Variants in HCN3 observed in about 807,000 individuals in gnomAD.
HCN3 encodes potassium/sodium hyperpolarization-activated cyclic nucleotide-gated channel 3.
Under a neutral mutation model 56.8 loss-of-function variants are expected in HCN3, and 36 were observed. The observed-to-expected ratio is 0.63, with a 90% CI of 0.49 to 0.84. The LOEUF (loss-of-function observed/expected upper bound fraction) is 0.84, where lower values mean the gene tolerates loss of function less well. HCN3 is among the 40% of genes least tolerant of loss of function. The pLI is 0.00. For missense variants in HCN3, 930 were observed against 1,079.3 expected, an observed-to-expected ratio of 0.86 and a Z score of 1.94; for synonymous variants, 425 against 439.7, an observed-to-expected ratio of 0.97 and a Z score of 0.42.
chr1:155,284,197 C>G lies in HCN3; in HGVS notation c.870+62C>G. On this transcript the variant is annotated intron_variant, in intron 3 of 7. Coordinates refer to ENST00000368358, the MANE Select transcript of HCN3 (RefSeq NM_020897.3). This position sits in a 1 kb window ranked among gnomAD's most constrained non-coding sequence, Gnocchi z 4.3. ...TCTTAGGGCTCTTCTGCCTGAGTAGCAGGGATGGCCACAGGGAGCAGGAGG... is the reference window on the plus strand; with the variant it reads ...TCTTAGGGCTCTTCTGCCTGAGTAGGAGGGATGGCCACAGGGAGCAGGAGG... 6.4e-7 allele frequency: 1 copy of G among 1,569,140 alleles called. No homozygotes were observed. Among genetic ancestry groups the G allele is most frequent in the Non-Finnish European group, 8.7e-7 (1 of 1,146,570 alleles).
In HCN3 at chr1:155,284,281, G is replaced by A; in HGVS notation, c.870+146G>A. On this transcript the variant is annotated intron_variant, in intron 3 of 7. Transcript: ENST00000368358. The surrounding 1 kb of genome is among the most constrained non-coding windows in gnomAD (Gnocchi z 4.3). Reference sequence around the variant, plus strand: ...GAGGTGGGGAGGAGGGAGGAAAGGGGAAGGAGACCCAGAAGAAGTGCTCGT... The same window carrying A: ...GAGGTGGGGAGGAGGGAGGAAAGGGAAAGGAGACCCAGAAGAAGTGCTCGT... 1.0e-6 allele frequency: 1 copy of A among 996,740 alleles called. No individual in the cohort carries two copies. Among genetic ancestry groups the A allele is most frequent in the Non-Finnish European group, 1.5e-6 (1 of 686,062 alleles). The allele number at this position is 996,740 out of a possible 1,614,324, so 61.7% of individuals were successfully genotyped here. A position where few individuals can be genotyped will look rare whatever the true frequency, so the allele number is the denominator to read the frequency against.
In HCN3 at chr1:155,277,625, G is replaced by A; in HGVS notation, c.35G>A (p.Ser12Asn). 1 of 1,554,516 alleles carries A rather than the reference G, an allele frequency of 6.4e-7. No individual in the cohort carries two copies. Among genetic ancestry groups the A allele is most frequent in the African/African-American group, 1.4e-5 (1 of 73,676 alleles). ...GAGCAGCGGCCGGCGGCGGGGGCCA[G>A]CGAAGGGGCGACCCCTGGACTGGAG... ...EAEQRPAAGA[S>N]EGATPGLEAV... Residue 12 changes from serine to asparagine, a missense_variant, in exon 1 of 8, where the codon AGC becomes AAC. Ser to Asn is a conservative substitution (Grantham distance 46). Coordinates refer to ENST00000368358, the MANE Select transcript of HCN3 (RefSeq NM_020897.3).
chr1:155,285,770 T>C lies in HCN3; in HGVS notation c.1283T>C (p.Leu428Pro). 6.2e-7 allele frequency: 1 copy of C among 1,614,154 alleles called. No homozygotes were observed. The highest frequency in any genetic ancestry group is 8.5e-7 in the Non-Finnish European group (1 of 1,180,032). ...TCRGLVAHMP[L>P]FAHADPSFVT... ...CGGGGCCTGGTGGCCCACATGCCGC[T>C]GTTTGCCCATGCCGACCCCAGCTTC... Residue 428 changes from leucine (L) to proline (P), a missense_variant, in exon 6 of 8, where the codon CTG becomes CCG. Transcript: ENST00000368358. This position sits in a 1 kb window ranked among gnomAD's most constrained non-coding sequence, Gnocchi z 4.5.
chr1:155,281,312 G>T (rs894042766), intron 1 of HCN3, among the ~76,000 whole-genome samples: 2 of 151,578 alleles, frequency 1.3e-5, no homozygotes, highest in African/African-American at 4.9e-5. Flanking sequence ...CTTGTGATCT[G>T]CCCATCTTGG....
At chr1:155,279,832 T>G (rs998019144) in intron 1 of HCN3, among the ~76,000 whole-genome samples, 14 of 152,152 alleles carry the variant, frequency 9.2e-5, no homozygotes, top group African/African-American at 3.4e-4. Flanking sequence ...CACAGGATAC[T>G]TTAGCTTTTT....
chr1:155,281,855 A>C (rs569134259), intron 1 of HCN3, among the ~76,000 whole-genome samples: 1 of 152,112 alleles, frequency 6.6e-6, no homozygotes, highest in African/African-American at 2.4e-5. Context: ...CCTCCTGAGT[A>C]GCTGGGACTT....
At chr1:155,286,518 G>A (rs1028081050) in intron 6 of HCN3, among the ~76,000 whole-genome samples, 3 of 152,172 alleles carry the variant, frequency 2.0e-5, no homozygotes, top group African/African-American at 7.2e-5. Flanking sequence ...GGGCCAGAGG[G>A]CCTTTTAGAA....
At position 155,288,304 on chromosome 1, in the gene HCN3, G is replaced by A; in HGVS notation, c.2166G>A (p.Arg722=). 1 of 1,612,872 alleles carries A rather than the reference G, an allele frequency of 6.2e-7. No homozygotes were observed. ...LSASQPSLPQ[R]ATGDGSPGRK... is the part of the protein sequence containing the mutation. ...CCTCCCAACCCTCTCTGCCTCAGCG[G>A]GCAACAGGCGATGGCTCTCCTGGGC... Residue 722 remains arginine, a synonymous_variant, in exon 8 of 8, where the codon CGG becomes CGA. Transcript: ENST00000368358. This position sits in a 1 kb window ranked among gnomAD's most constrained non-coding sequence, Gnocchi z 6.5.
rs770385472 is a variant in HCN3, at chr1:155,289,780, T to C, written c.*1317T>C. ...TTCTGGGTGGGGAGTTCTGGGGTTC[T>C]TGGTGTGTGGGAGAAGTTTTATAAT... On this transcript the variant is annotated 3_prime_UTR_variant, in exon 8 of 8. Coordinates refer to ENST00000368358, the MANE Select transcript of HCN3 (RefSeq NM_020897.3). 6.6e-6 allele frequency: 1 copy of C among 152,406 alleles called. No individual in the cohort carries two copies. Among genetic ancestry groups the C allele is most frequent in the Admixed American group, 6.5e-5 (1 of 15,286 alleles). 9.4% of individuals were successfully genotyped at this position (152,406 alleles called of 1,614,324 possible). A position where few individuals can be genotyped will look rare whatever the true frequency, so the allele number is the denominator to read the frequency against.
In HCN3 at chr1:155,284,857, T is replaced by G; in HGVS notation, c.1089+100T>G. ...CTGATGTGTGCCCCTGTTGCGTCTC[T>G]GTTTCCTTTCCTGCCCTGTGTCCAT... On this transcript the variant is annotated intron_variant, in intron 4 of 7. Coordinates refer to ENST00000368358, the MANE Select transcript of HCN3 (RefSeq NM_020897.3). The surrounding 1 kb of genome is among the most constrained non-coding windows in gnomAD (Gnocchi z 4.3). The G allele has an allele frequency of 1.8e-6, 2 of 1,113,166 alleles. No individual in the cohort carries two copies. Among genetic ancestry groups the G allele is most frequent in the Non-Finnish European group, 1.3e-6 (1 of 776,632 alleles). 69.0% of individuals were successfully genotyped at this position (1,113,166 alleles called of 1,614,324 possible).
In HCN3 at chr1:155,284,476, G is replaced by C; in HGVS notation, c.871-63G>C. On this transcript the variant is annotated intron_variant, in intron 3 of 7. Coordinates refer to ENST00000368358, the MANE Select transcript of HCN3 (RefSeq NM_020897.3). This position sits in a 1 kb window ranked among gnomAD's most constrained non-coding sequence, Gnocchi z 4.3. ...CAGAAAGACCAAAGAAGGAAAAGGG[G>C]CAGGCAGAGAATGAGGCTCCGAGGG... 1 of 1,487,972 alleles carries C rather than the reference G, an allele frequency of 6.7e-7. No individual in the cohort carries two copies. Among genetic ancestry groups the C allele is most frequent in the Non-Finnish European group, 9.2e-7 (1 of 1,091,010 alleles). The allele number at this position is 1,487,972 out of a possible 1,614,324, so 92.2% of individuals were successfully genotyped here.
intron 1 of HCN3, among the ~76,000 whole-genome samples, chr1:155,280,238 C>T (rs1167347534): frequency 6.6e-6 from 1 of 150,576 alleles, no homozygotes. Context: ...AGCCACCACA[C>T]CGGCAAATTT....
In HCN3 at chr1:155,282,701, T is replaced by C; in HGVS notation, c.569T>C (p.Val190Ala). The C allele has an allele frequency of 6.2e-7, 1 of 1,614,204 alleles. No homozygotes were observed. Among genetic ancestry groups the C allele is most frequent in the Non-Finnish European group, 8.5e-7 (1 of 1,180,032 alleles). ...SIPVDYIFLVVELEPRLDAEV... is the reference protein window; with the variant it reads ...SIPVDYIFLVAELEPRLDAEV... ...CCTGTGGATTACATCTTCCTAGTGG[T>C]GGAGCTGGAGCCACGGTTGGACGCT... Residue 190 changes from valine (V) to alanine (A), a missense_variant, in exon 2 of 8, where the codon GTG becomes GCG. By Grantham distance (64) the Val-to-Ala change is moderately conservative. Coordinates refer to ENST00000368358, the MANE Select transcript of HCN3 (RefSeq NM_020897.3). The surrounding 1 kb of genome is among the most constrained non-coding windows in gnomAD (Gnocchi z 4.7).
Position 155,288,510 on chromosome 1 carries a change from T to C in HCN3, c.*47T>C. 1 of 1,529,588 alleles carries C rather than the reference T, an allele frequency of 6.5e-7. No individual in the cohort carries two copies. Among genetic ancestry groups the C allele is most frequent in the Non-Finnish European group, 8.8e-7 (1 of 1,140,406 alleles). 94.8% of individuals were successfully genotyped at this position (1,529,588 alleles called of 1,614,324 possible). A position where few individuals can be genotyped will look rare whatever the true frequency, so the allele number is the denominator to read the frequency against. ...TTAGTTCTTGGGGTGCAGTAGTATG[T>C]ACCCAAGGGCAGATGCCTCTTGGGG... is the stretch of plus-strand genomic sequence containing the variant. On this transcript the variant is annotated 3_prime_UTR_variant, in exon 8 of 8. Coordinates refer to ENST00000368358, the MANE Select transcript of HCN3 (RefSeq NM_020897.3). This position sits in a 1 kb window ranked among gnomAD's most constrained non-coding sequence, Gnocchi z 6.5.
Position 155,277,599 on chromosome 1 carries a change from A to C in HCN3, c.9A>C (p.Ala3=). The C allele has an allele frequency of 6.4e-7, 1 of 1,561,378 alleles. No homozygotes were observed. The highest frequency in any genetic ancestry group is 8.7e-7 in the Non-Finnish European group (1 of 1,154,336). The change falls in exon 1 of 8, where the codon GCA becomes GCC. Residue 3 remains alanine (A), a synonymous_variant. Coordinates refer to ENST00000368358, the MANE Select transcript of HCN3 (RefSeq NM_020897.3). ...TAAGCGGGGTGGGCGCCATGGAGGCAGAGCAGCGGCCGGCGGCGGGGGCCA... is the reference window on the plus strand; with the variant it reads ...TAAGCGGGGTGGGCGCCATGGAGGCCGAGCAGCGGCCGGCGGCGGGGGCCA... The part of the protein sequence containing the change: ME[A]EQRPAAGASE...
rs1674190719 is a variant in HCN3, at chr1:155,284,334, G to A, written c.870+199G>A. The A allele has an allele frequency of 3.6e-6, 3 of 836,996 alleles. No individual in the cohort carries two copies. The highest frequency in any genetic ancestry group is 5.4e-6 in the Non-Finnish European group (3 of 552,626). The allele number at this position is 836,996 out of a possible 1,614,324, so 51.8% of individuals were successfully genotyped here. A position where few individuals can be genotyped will look rare whatever the true frequency, so the allele number is the denominator to read the frequency against. ...GTTGGAGGGAGCAGGCAAAGGAAGG[G>A]TACCTACCCGGAAGCTGAGGCCCCC... On this transcript the variant is annotated intron_variant, in intron 3 of 7. Coordinates refer to ENST00000368358, the MANE Select transcript of HCN3 (RefSeq NM_020897.3). The surrounding 1 kb of genome is among the most constrained non-coding windows in gnomAD (Gnocchi z 4.3).
intron 1 of HCN3, among the ~76,000 whole-genome samples, chr1:155,280,594 G>A (rs1249772819): frequency 6.7e-6 from 1 of 149,234 alleles, no homozygotes; most frequent in Non-Finnish European, 1.5e-5. Flanking sequence ...CCGCCACCAT[G>A]CCCAGCTAAT....
In HCN3 at chr1:155,286,113, G is replaced by A. The variant is rs1271753347; in HGVS notation, c.1477+149G>A. 10 of 1,143,764 alleles carry A rather than the reference G, an allele frequency of 8.7e-6. No homozygotes were observed. The South Asian group carries it at 1.3e-4, about 15-fold the overall frequency. 70.9% of individuals were successfully genotyped at this position (1,143,764 alleles called of 1,614,324 possible). A position where few individuals can be genotyped will look rare whatever the true frequency, so the allele number is the denominator to read the frequency against. ...CCTACTCAGTGAGAATCTCTGGGCT[G>A]GGGTCTGGAGCTCTATAGTTTTTGT... is the stretch of plus-strand genomic sequence containing the variant. On this transcript the variant is annotated intron_variant, in intron 6 of 7. Coordinates refer to ENST00000368358, the MANE Select transcript of HCN3 (RefSeq NM_020897.3).
chr1:155,288,402 C>A lies in HCN3; in HGVS notation c.2264C>A (p.Pro755His). Residue 755 changes from proline to histidine, a missense_variant, in exon 8 of 8, where the codon CCC becomes CAC. Pro to His is a moderately conservative substitution (Grantham distance 77). Transcript: ENST00000368358. This position sits in a 1 kb window ranked among gnomAD's most constrained non-coding sequence, Gnocchi z 6.5. ...AAACCTCCAAGGACAGCCCAGCCCC[C>A]CAGGCCACCAGTGCCTGAGCCAGCC... ...LAKPPRTAQP[P>H]RPPVPEPATP... is the part of the protein sequence containing the mutation. The A allele has an allele frequency of 6.2e-7, 1 of 1,613,182 alleles. No individual in the cohort carries two copies. The highest frequency in any genetic ancestry group is 1.7e-5 in the Admixed American group (1 of 59,876).
Sources: allele counts gnomAD v4.1 joint callset (sites outside exome capture counted in the v4.1 genomes callset), GRCh38; gene constraint gnomAD v4.1.1; non-coding constraint Gnocchi (gnomAD v3.1); transcripts MANE v1.5; gene names NCBI Gene and HGNC (gene_info 2026-07-23, HGNC 2026-07-21).